The following PADI3 variants were observed in gnomAD, a reference collection of about 807,000 sequenced individuals.
The protein encoded by PADI3 is protein-arginine deiminase type-3.
PADI3 carries 53 observed loss-of-function variants against 71.5 expected under a neutral mutation model. The observed-to-expected ratio is 0.74, with a 90% CI of 0.59 to 0.93. The LOEUF is 0.93. PADI3 is among the 40% of genes least tolerant of loss of function. PADI3 has a pLI of 0.00. For synonymous variants in PADI3, 361 were observed against 347.5 expected (o/e 1.04, Z -0.43); for missense variants, 821 against 868.0 (o/e 0.95, Z 0.68).
In PADI3 at chr1:17,270,419, C is replaced by T; in HGVS notation, c.831+8C>T. The T allele has an allele frequency of 6.2e-7, 1 of 1,606,920 alleles. No individual in the cohort carries two copies. The highest frequency in any genetic ancestry group is 8.5e-7 in the Non-Finnish European group (1 of 1,176,994). On this transcript the variant is annotated splice_region_variant and intron_variant, in intron 7 of 15. Coordinates refer to ENST00000375460, the MANE Select transcript of PADI3 (RefSeq NM_016233.2). The stretch of plus-strand genomic sequence containing the variant: ...CTGGACGACTCCAACGAGGTAGGGA[C>T]AGAGGGGGTTCAAGAGGAGCTCCAC...
chr1:17,259,384 T>C (rs1025278308), intron 1 of PADI3, among the ~76,000 whole-genome samples, 194 bp from the exon 2 acceptor site: 1 of 152,016 alleles, frequency 6.6e-6, no homozygotes, highest in African/African-American at 2.4e-5. Flanking sequence ...AAGGAGTGAG[T>C]CACCACGCCC....
At position 17,280,902 on chromosome 1, in the gene PADI3, G is replaced by T. The variant is rs2073392700; in HGVS notation, c.1761+106G>T. 4 of 1,412,254 alleles carry T rather than the reference G, an allele frequency of 2.8e-6. No homozygotes were observed. The South Asian group carries it at 3.8e-5, about 13-fold the overall frequency. 87.5% of individuals were successfully genotyped at this position (1,412,254 alleles called of 1,614,324 possible). On this transcript the variant is annotated intron_variant, in intron 15 of 15. Transcript: ENST00000375460. ...GTCATATTTAGGATTGTGGTGGCCA[G>T]TGGGGGTGGCAGGGAGAATCAGGGG...
At chr1:17,268,881 T>A (rs1030166325) in intron 6 of PADI3, among the ~76,000 whole-genome samples, 1 of 146,874 alleles carries the variant, frequency 6.8e-6, no homozygotes, top group African/African-American at 2.5e-5. Context: ...CGTCTCTAAA[T>A]CTGACTTTTT....
chr1:17,280,163 A>C (rs1044478832), intron 13 of PADI3, among the ~76,000 whole-genome samples, 187 bp from the exon 14 acceptor site: 1 of 152,202 alleles, frequency 6.6e-6, no homozygotes, highest in Non-Finnish European at 1.5e-5. Flanking sequence ...TTATACCCCA[A>C]GATGTGCACA....
At chr1:17,263,941 G>A (rs985916993) in intron 3 of PADI3, among the ~76,000 whole-genome samples, 7 of 152,086 alleles carry the variant, frequency 4.6e-5, no homozygotes, top group Admixed American at 3.3e-4. Context: ...AGTTTGCTTT[G>A]GCTCACACAC....
rs1428506768 is a variant in PADI3, at chr1:17,270,257, A to G, written c.677A>G (p.Tyr226Cys). 2 of 1,613,496 alleles carry G rather than the reference A, an allele frequency of 1.2e-6. No homozygotes were observed. The highest frequency in any genetic ancestry group is 1.1e-5 in the South Asian group (1 of 91,048). ...GGTCCTGAGGATGTGTGTGAGGCCT[A>G]TAGGCATGTGCTGGGCCAAGATAAG... ...ICGPEDVCEA[Y>C]RHVLGQDKVS... Residue 226 changes from tyrosine (Y) to cysteine (C), a missense_variant, in exon 7 of 16, where the codon TAT becomes TGT. By Grantham distance (194) the Tyr-to-Cys change is radical (BLOSUM62 -2). Coordinates refer to ENST00000375460, the MANE Select transcript of PADI3 (RefSeq NM_016233.2).
chr1:17,273,314 C>T (rs765960686), intron 9 of PADI3, 26 bp from the exon 10 acceptor site: 10 of 1,569,256 alleles, frequency 6.4e-6, no homozygotes, highest in African/African-American at 1.4e-5. Context: ...CACAGCTGTG[C>T]GTCTCTCGCC....
intron 1 of PADI3, among the ~76,000 whole-genome samples, 198 bp from the exon 2 acceptor site, chr1:17,259,380 T>G (rs2073071383): frequency 6.6e-6 from 1 of 152,032 alleles, no homozygotes; most frequent in Admixed American, 6.6e-5. Context: ...ATTAAAGGAG[T>G]GAGTCACCAC....
intron 2 of PADI3, 113 bp downstream of exon 2, chr1:17,259,871 G>C (rs2073082464): frequency 1.1e-6 from 1 of 874,152 alleles, no homozygotes; most frequent in African/African-American, 1.7e-5. Context: ...GTGGGTAAGT[G>C]CCTGGCCTTG....
At chr1:17,269,182 G>A (rs1335358704) in intron 6 of PADI3, among the ~76,000 whole-genome samples, 2 of 152,156 alleles carry the variant, frequency 1.3e-5, no homozygotes, top group Non-Finnish European at 2.9e-5. Flanking sequence ...GCCGCACCTG[G>A]CCTGAATCTG....
intron 1 of PADI3, among the ~76,000 whole-genome samples, chr1:17,257,901 G>A (rs1161920628): frequency 6.6e-6 from 1 of 152,172 alleles, no homozygotes; most frequent in Non-Finnish European, 1.5e-5. Flanking sequence ...AAAGGCTTAG[G>A]CAGGCCTGCC....
chr1:17,270,037 A>C (rs1278814662), intron 6 of PADI3, among the ~76,000 whole-genome samples, 196 bp from the exon 7 acceptor site: 2 of 152,108 alleles, frequency 1.3e-5, no homozygotes, highest in Non-Finnish European at 2.9e-5. Flanking sequence ...CCAGTCTTAG[A>C]AAGGAAGACC....
At chr1:17,273,974 C>G (rs2977296) in intron 10 of PADI3, among the ~76,000 whole-genome samples, 1 of 151,836 alleles carries the variant, frequency 6.6e-6, no homozygotes, top group Non-Finnish European at 1.5e-5. Context: ...AGTGTGTGTG[C>G]GCGCACCACT....
intron 1 of PADI3, among the ~76,000 whole-genome samples, chr1:17,251,716 T>C (rs2072968421): frequency 6.6e-6 from 1 of 152,090 alleles, no homozygotes; most frequent in Non-Finnish European, 1.5e-5. Context: ...TTGAATGAGA[T>C]TGTGTGTGCA....
intron 1 of PADI3, among the ~76,000 whole-genome samples, chr1:17,255,945 C>T (rs1020969137): frequency 2.6e-5 from 4 of 152,210 alleles, no homozygotes; most frequent in African/African-American, 7.2e-5. Flanking sequence ...TACCTTGCCA[C>T]GGCTCCATCA....
At chr1:17,281,450 CTTT>C (rs71014927) in intron 15 of PADI3, among the ~76,000 whole-genome samples, 1 of 141,990 alleles carries the variant, frequency 7.0e-6, no homozygotes, top group Non-Finnish European at 1.5e-5. Flanking sequence ...TTCTTTTTTT[CTTT>C]TTTTTTTTTT....
chr1:17,280,236 G>A, intron 13 of PADI3, 114 bp from the exon 14 acceptor site: 1 of 801,102 alleles, frequency 1.2e-6, no homozygotes, highest in Non-Finnish European at 2.1e-6. Flanking sequence ...AGAGGCTGCT[G>A]ACTCGGCAAG....
chr1:17,274,877 G>GCTTCTGGCTCTCTTC, intron 11 of PADI3, 91 bp downstream of exon 11: 1 of 1,304,576 alleles, frequency 7.7e-7, no homozygotes, highest in Non-Finnish European at 1.1e-6. Context: ...TGCACTCCTT[G>GCTTCTGGCTCTCTTC]AAGAGAGCCA....
intron 6 of PADI3, among the ~76,000 whole-genome samples, chr1:17,270,028 C>T (rs1015990962): frequency 3.3e-5 from 5 of 152,144 alleles, no homozygotes; most frequent in Admixed American, 2.0e-4. Context: ...GTATGAGCGC[C>T]AGTCTTAGAA....
Sources: gnomAD v4.1 joint callset for allele counts (sites outside exome capture counted in the v4.1 genomes callset) on GRCh38, gnomAD v4.1.1 for gene constraint, MANE v1.5 for transcripts, NCBI Gene and HGNC (gene_info 2026-07-23, HGNC 2026-07-21) for gene names.